The following PID1 variants were observed in gnomAD, a reference collection of about 807,000 sequenced individuals.
PID1 encodes the protein phosphotyrosine interaction domain containing 1, also known as PTB-containing, cubilin and LRP1-interacting protein.
A neutral mutation model predicts 19.1 loss-of-function variants in PID1; 10 were observed. That is an observed-to-expected ratio of 0.52 (90% confidence interval 0.32 to 0.89). PID1 has a LOEUF of 0.89. Ranked by LOEUF, PID1 falls within the 40% of genes least tolerant of loss-of-function variation. The pLI is 0.03. For missense variants in PID1, 248 were observed against 285.3 expected (o/e 0.87, Z 0.94); for synonymous variants, 130 against 116.0 (o/e 1.12, Z -0.78).
intron 2 of PID1, among the ~76,000 whole-genome samples, chr2:229,091,509 A>G (rs1472767859): frequency 6.6e-6 from 1 of 152,126 alleles, no homozygotes; most frequent in African/African-American, 2.4e-5. Flanking sequence ...GGCCTCTTGG[A>G]AAATGGTTAG....
chr2:229,160,499 C>T (rs2106200053), intron 1 of PID1, among the ~76,000 whole-genome samples: 1 of 152,214 alleles, frequency 6.6e-6, no homozygotes, highest in East Asian at 1.9e-4. Flanking sequence ...ATGTGCCACA[C>T]ATTTGCCTGC....
At chr2:229,183,878 CTATATATATA>C (rs148369137) in intron 1 of PID1, among the ~76,000 whole-genome samples, 13,307 of 18,718 alleles carry the variant, frequency 0.71, 6,409 homozygotes, top group South Asian at 0.8. Flanking sequence ...CTCTCTCTTT[CTATATATATA>C]TATATATATA....
In PID1 at chr2:229,271,091, T is replaced by C. The variant is rs372054613; in HGVS notation, c.-48A>G. The C allele has an allele frequency of 2.3e-3, 3,523 of 1,535,772 alleles. 15 individuals carry two copies. The highest frequency in any genetic ancestry group is 7.1e-3 in the Middle Eastern group (31 of 4,374). On this transcript the variant is annotated 5_prime_UTR_variant, in exon 1 of 3. Coordinates refer to ENST00000392055, the MANE Select transcript of PID1 (RefSeq NM_001100818.2). ...GAGGAGACGCTGGCGAGACTGTCGATCGCGCCGGGGGGCGAGGGGCTGGGG... is the reference window on the plus strand; with the variant it reads ...GAGGAGACGCTGGCGAGACTGTCGACCGCGCCGGGGGGCGAGGGGCTGGGG...
At chr2:229,190,435 C>G (rs1691231852) in intron 1 of PID1, among the ~76,000 whole-genome samples, 1 of 152,232 alleles carries the variant, frequency 6.6e-6, no homozygotes, top group Non-Finnish European at 1.5e-5. Flanking sequence ...ATGGAACAGG[C>G]ATCCTTGAAG....
intron 1 of PID1, among the ~76,000 whole-genome samples, chr2:229,213,722 C>T (rs1439405388): frequency 3.9e-5 from 6 of 152,162 alleles, no homozygotes; most frequent in African/African-American, 1.4e-4. Flanking sequence ...GTCTTCAGCA[C>T]AATAGATATG....
At chr2:229,114,127 CTCTCTCTT>C (rs1225493952) in intron 2 of PID1, among the ~76,000 whole-genome samples, 3 of 149,094 alleles carry the variant, frequency 2.0e-5, no homozygotes, top group African/African-American at 7.6e-5. Flanking sequence ...CTCTCTCTCT[CTCTCTCTT>C]TCTCTCTCTC....
intron 1 of PID1, among the ~76,000 whole-genome samples, chr2:229,182,522 C>A (rs571605458): frequency 6.6e-6 from 1 of 152,264 alleles, no homozygotes; most frequent in South Asian, 2.1e-4. Context: ...GCATCTAACT[C>A]CCTGACCATG....
At chr2:229,258,126 G>A (rs754457093) in intron 1 of PID1, among the ~76,000 whole-genome samples, 50 of 152,202 alleles carry the variant, frequency 3.3e-4, no homozygotes, top group Non-Finnish European at 4.7e-4. Context: ...GGTCTCAGAG[G>A]ACTGAGCCAG....
At chr2:229,151,937 A>G (rs1440596387) in intron 2 of PID1, among the ~76,000 whole-genome samples, 5 of 152,166 alleles carry the variant, frequency 3.3e-5, no homozygotes, top group African/African-American at 1.2e-4. Context: ...ACATCAGTGA[A>G]TGGCCCTGCA....
At chr2:229,046,425 G>A (rs545286252) in intron 2 of PID1, among the ~76,000 whole-genome samples, 15 of 147,150 alleles carry the variant, frequency 1.0e-4, no homozygotes, top group African/African-American at 1.5e-4. Flanking sequence ...ACCAAAAAAC[G>A]CACTTTGTGG....
intron 2 of PID1, among the ~76,000 whole-genome samples, chr2:229,132,128 T>C (rs917726972): frequency 2.0e-5 from 3 of 152,182 alleles, no homozygotes; most frequent in African/African-American, 4.8e-5. Context: ...TTCTGGGAGA[T>C]GGAAGGCTTA....
intron 1 of PID1, among the ~76,000 whole-genome samples, chr2:229,237,707 C>T (rs984912213): frequency 6.6e-6 from 1 of 152,044 alleles, no homozygotes; most frequent in Non-Finnish European, 1.5e-5. Flanking sequence ...AGTGACATTT[C>T]TTAAATATCT....
intron 1 of PID1, among the ~76,000 whole-genome samples, chr2:229,233,984 G>A (rs1002883318): frequency 6.6e-6 from 1 of 152,178 alleles, no homozygotes; most frequent in African/African-American, 2.4e-5. Context: ...AGGCTAAGAC[G>A]TACAGAAAAT....
At chr2:229,166,917 C>T (rs1419036177) in intron 1 of PID1, among the ~76,000 whole-genome samples, 1 of 147,086 alleles carries the variant, frequency 6.8e-6, no homozygotes, top group Non-Finnish European at 1.5e-5. Flanking sequence ...TGGATTATAA[C>T]CCTAGACTAA....
At chr2:229,232,368 C>T (rs1206655583) in intron 1 of PID1, among the ~76,000 whole-genome samples, 1 of 133,478 alleles carries the variant, frequency 7.5e-6, no homozygotes, top group African/African-American at 2.8e-5. Flanking sequence ...TGAGGCAGAG[C>T]CTGCAGTGAG....
In PID1 at chr2:229,153,004, C is replaced by G. The variant is rs554166526; in HGVS notation, c.177+2814G>C. On this transcript the variant is annotated intron_variant, in intron 2 of 2. Coordinates refer to ENST00000392055, the MANE Select transcript of PID1 (RefSeq NM_001100818.2). The stretch of plus-strand genomic sequence containing the variant: ...TCATTATTCCTGGGAGGCGTGAGCC[C>G]GAGAGAGCGTTCCTTCTGCAGCTGG... Among the ~76,000 whole-genome samples the G allele has an allele frequency of 2.0e-5, 3 of 152,228 alleles. No individual in the cohort carries two copies. The East Asian group carries it at 5.8e-4, about 29-fold the overall frequency.
At chr2:229,269,514 G>T (rs1448771017) in intron 1 of PID1, among the ~76,000 whole-genome samples, 1 of 152,126 alleles carries the variant, frequency 6.6e-6, no homozygotes, top group Non-Finnish European at 1.5e-5. Context: ...AAGGAATTTT[G>T]GTCACATCTC....
intron 1 of PID1, among the ~76,000 whole-genome samples, chr2:229,232,818 TA>T (rs1692243803): frequency 1.5e-5 from 2 of 131,748 alleles, no homozygotes; most frequent in Admixed American, 7.9e-5. Context: ...TATATATATA[TA>T]TATATTTACA....
At chr2:229,254,025 T>C (rs1424117680) in intron 1 of PID1, among the ~76,000 whole-genome samples, 1 of 152,174 alleles carries the variant, frequency 6.6e-6, no homozygotes, top group Non-Finnish European at 1.5e-5. Context: ...GTTGCCAGCA[T>C]TGTCAGCTAT....
Sources: allele counts gnomAD v4.1 joint callset (sites outside exome capture counted in the v4.1 genomes callset), GRCh38; gene constraint gnomAD v4.1.1; transcripts MANE v1.5; gene names NCBI Gene and HGNC (gene_info 2026-07-23, HGNC 2026-07-21).